The following PIP5K1B variants were observed in gnomAD, a reference collection of about 807,000 sequenced individuals.
PIP5K1B encodes phosphatidylinositol-4-phosphate 5-kinase type 1 beta.
A neutral mutation model predicts 67.0 loss-of-function variants in PIP5K1B; 42 were observed. The ratio of observed to expected loss-of-function variants is 0.63; its 90% CI spans 0.49 to 0.81. PIP5K1B has a LOEUF of 0.81. Ranked by LOEUF, PIP5K1B falls within the 30% of genes least tolerant of loss-of-function variation. PIP5K1B has a pLI of 0.00. For missense variants in PIP5K1B, 459 were observed against 646.3 expected, an observed-to-expected ratio of 0.71 and a Z score of 3.14; for synonymous variants, 214 against 231.4, an observed-to-expected ratio of 0.92 and a Z score of 0.68.
intron 1 of PIP5K1B, among the ~76,000 whole-genome samples, chr9:68,732,625 T>G (rs888095140): frequency 3.3e-5 from 5 of 152,248 alleles, no homozygotes; most frequent in African/African-American, 1.2e-4. Flanking sequence ...GATACGTGGG[T>G]CTGGTAAACA....
At chr9:68,930,715 A>G (rs1414227839) in intron 12 of PIP5K1B, among the ~76,000 whole-genome samples, 1 of 152,090 alleles carries the variant, frequency 6.6e-6, no homozygotes, top group Non-Finnish European at 1.5e-5. Flanking sequence ...AGTTTAAAAT[A>G]TAAATCTGCT....
At chr9:68,990,452 C>A (rs914363671) in intron 14 of PIP5K1B, among the ~76,000 whole-genome samples, 2 of 151,754 alleles carry the variant, frequency 1.3e-5, no homozygotes, top group Non-Finnish European at 2.9e-5. Context: ...TAATGATGCA[C>A]AAGGTTATCT....
chr9:68,749,819 A>G (rs761298308), intron 2 of PIP5K1B, among the ~76,000 whole-genome samples: 1 of 152,098 alleles, frequency 6.6e-6, no homozygotes, highest in African/African-American at 2.4e-5. Context: ...CCCCCTAGTT[A>G]CAACAACCAC....
At chr9:68,860,269 A>G (rs1389792898) in intron 4 of PIP5K1B, among the ~76,000 whole-genome samples, 1 of 152,030 alleles carries the variant, frequency 6.6e-6, no homozygotes, top group Non-Finnish European at 1.5e-5. Flanking sequence ...CATATATAAG[A>G]TGCTTTTTAG....
chr9:68,933,140 T>C (rs1346198840), intron 12 of PIP5K1B, among the ~76,000 whole-genome samples: 2 of 151,524 alleles, frequency 1.3e-5, no homozygotes, highest in East Asian at 3.9e-4. Context: ...TAAAATACTA[T>C]ATTGAAAGAC....
intron 4 of PIP5K1B, among the ~76,000 whole-genome samples, chr9:68,862,517 G>A (rs1288699832): frequency 6.6e-6 from 1 of 152,106 alleles, no homozygotes; most frequent in Non-Finnish European, 1.5e-5. Context: ...AAGTGGGCCG[G>A]GCATGGTGGC....
chr9:68,936,019 T>G (rs907987109), intron 13 of PIP5K1B: 1 of 152,242 alleles, frequency 6.6e-6, no homozygotes, highest in Non-Finnish European at 1.5e-5. Flanking sequence ...ATTTTTCTTG[T>G]GTGGCTTGTA....
chr9:68,934,981 A>G lies in PIP5K1B; in HGVS notation c.1293A>G (p.Glu431=). The G allele has an allele frequency of 6.2e-7, 1 of 1,613,772 alleles. No individual in the cohort carries two copies. The highest frequency in any genetic ancestry group is 8.5e-7 in the Non-Finnish European group (1 of 1,179,762). The change falls in exon 13 of 16, where the codon GAA becomes GAG. Residue 431 remains glutamate, a synonymous_variant. Transcript: ENST00000265382. ...AGATTGTGTCCTCAATTAGCCAGGA[A>G]TGGAAGGATGAGAAGCGGGATTTGC... is the stretch of plus-strand genomic sequence containing the variant. ...SQEIVSSISQ[E]WKDEKRDLLT...
chr9:68,722,001 C>T (rs1827911088), intron 1 of PIP5K1B, among the ~76,000 whole-genome samples: 1 of 152,136 alleles, frequency 6.6e-6, no homozygotes, highest in African/African-American at 2.4e-5. Flanking sequence ...CACTGATCCC[C>T]ACTCTGCCTC....
At chr9:69,001,699 A>G (rs922348399) in intron 15 of PIP5K1B, among the ~76,000 whole-genome samples, 5 of 152,128 alleles carry the variant, frequency 3.3e-5, no homozygotes, top group Non-Finnish European at 7.4e-5. Context: ...GTCTGCCCCC[A>G]TGAATCAATC....
chr9:68,716,695 A>T (rs905682159), intron 1 of PIP5K1B, among the ~76,000 whole-genome samples: 1 of 152,214 alleles, frequency 6.6e-6, no homozygotes, highest in Admixed American at 6.5e-5. Context: ...TTCTCAAAGA[A>T]CTGAAAATAG....
chr9:68,902,366 TA>T (rs1825406881), intron 8 of PIP5K1B, among the ~76,000 whole-genome samples: 1 of 152,226 alleles, frequency 6.6e-6, no homozygotes, highest in Non-Finnish European at 1.5e-5. Context: ...AATCATACAG[TA>T]TATAACCCCT....
intron 13 of PIP5K1B, 42 bp from the exon 14 acceptor site, chr9:68,940,604 A>G: frequency 6.3e-7 from 1 of 1,591,366 alleles, no homozygotes; most frequent in Non-Finnish European, 8.6e-7. Flanking sequence ...AGCTGCATTT[A>G]TCCTTGAGAT....
At chr9:68,772,454 T>C (rs1034084826) in intron 2 of PIP5K1B, among the ~76,000 whole-genome samples, 1 of 152,214 alleles carries the variant, frequency 6.6e-6, no homozygotes, top group African/African-American at 2.4e-5. Context: ...AATAAGCCTC[T>C]GGGATTAGTC....
At chr9:68,728,224 AT>A (rs988059243) in intron 1 of PIP5K1B, among the ~76,000 whole-genome samples, 23 of 152,304 alleles carry the variant, frequency 1.5e-4, no homozygotes, top group African/African-American at 4.8e-4. Context: ...ACGAACATTT[AT>A]TTCACACAGT....
intron 4 of PIP5K1B, 46 bp downstream of exon 4, chr9:68,822,729 T>C (rs762286938): frequency 2.3e-6 from 3 of 1,329,786 alleles, no homozygotes; most frequent in Non-Finnish European, 3.2e-6. Context: ...GTTTTGCTGT[T>C]TGGCACGTGA....
intron 14 of PIP5K1B, among the ~76,000 whole-genome samples, chr9:68,950,769 G>C (rs1001037110): frequency 6.6e-6 from 1 of 152,224 alleles, no homozygotes; most frequent in Admixed American, 6.5e-5. Flanking sequence ...TCCAAGGCAA[G>C]TAGAAAGTTG....
intron 1 of PIP5K1B, among the ~76,000 whole-genome samples, chr9:68,717,100 G>C (rs1827670227): frequency 6.6e-6 from 1 of 152,158 alleles, no homozygotes; most frequent in African/African-American, 2.4e-5. Context: ...AGGGAAGGAG[G>C]GAGGTAAGGG....
At chr9:68,755,423 A>G (rs555410841) in intron 2 of PIP5K1B, among the ~76,000 whole-genome samples, 4 of 152,346 alleles carry the variant, frequency 2.6e-5, no homozygotes, top group Non-Finnish European at 5.9e-5. Flanking sequence ...CTAATTCAAA[A>G]TGTATTCATG....
Sources: allele counts gnomAD v4.1 joint callset (sites outside exome capture counted in the v4.1 genomes callset), GRCh38; gene constraint gnomAD v4.1.1; transcripts MANE v1.5; gene names NCBI Gene and HGNC (gene_info 2026-07-23, HGNC 2026-07-21).